UST: variants seen among roughly 807,000 people sequenced by gnomAD.
The protein encoded by UST is uronyl 2-sulfotransferase.
In UST, 21 loss-of-function variants were observed where a neutral mutation model predicts 45.6. The ratio of observed to expected loss-of-function variants is 0.46; its 90% confidence interval spans 0.33 to 0.66. UST has a LOEUF of 0.66. UST is among the 30% of genes least tolerant of loss of function. The probability of loss-of-function intolerance (pLI) is 0.02; values close to 1 mark genes in which losing one functional copy is unlikely to be tolerated. For synonymous variants in UST, 215 were observed against 200.6 expected, an observed-to-expected ratio of 1.07 and a Z score of -0.61; for missense variants, 463 against 512.4, an observed-to-expected ratio of 0.90 and a Z score of 0.93.
intron 2 of UST, among the ~76,000 whole-genome samples, chr6:148,933,763 G>A (rs567418663): frequency 6.6e-6 from 1 of 152,316 alleles, no homozygotes; most frequent in South Asian, 2.1e-4. Context: ...GGAGGCTTTG[G>A]CGATGATCTC....
intron 5 of UST, among the ~76,000 whole-genome samples, chr6:148,984,583 G>A (rs890848112): frequency 6.6e-6 from 1 of 152,100 alleles, no homozygotes; most frequent in Non-Finnish European, 1.5e-5. Context: ...CTTGCAGGCT[G>A]GAGTGCAGTG....
At chr6:149,034,999 A>T (rs745983514) in intron 7 of UST, among the ~76,000 whole-genome samples, 1 of 151,826 alleles carries the variant, frequency 6.6e-6, no homozygotes. Context: ...CCTGTCTTCT[A>T]TTTCTGGGAA....
chr6:148,803,096 T>A (rs1454259799), intron 1 of UST, among the ~76,000 whole-genome samples: 1 of 152,126 alleles, frequency 6.6e-6, no homozygotes, highest in East Asian at 1.9e-4. Flanking sequence ...GAGTTCTGAT[T>A]TTAGAGTCTG....
At chr6:148,957,507 A>G (rs948718434) in intron 4 of UST, among the ~76,000 whole-genome samples, 1 of 152,092 alleles carries the variant, frequency 6.6e-6, no homozygotes, top group African/African-American at 2.4e-5. Context: ...CAGCGGTGCA[A>G]TCTCAGCTCA....
chr6:149,068,994 T>C (rs1776781822), intron 7 of UST, among the ~76,000 whole-genome samples: 1 of 152,218 alleles, frequency 6.6e-6, no homozygotes, highest in South Asian at 2.1e-4. Flanking sequence ...ATACACGATC[T>C]TTGTCTTTCT....
intron 1 of UST, among the ~76,000 whole-genome samples, chr6:148,774,756 C>T (rs1419662730): frequency 2.0e-5 from 3 of 152,170 alleles, no homozygotes; most frequent in Non-Finnish European, 4.4e-5. Context: ...CGGTGGCTCA[C>T]GCCTGTAATC....
intron 1 of UST, among the ~76,000 whole-genome samples, chr6:148,853,189 G>A (rs1778139101): frequency 6.6e-6 from 1 of 152,096 alleles, no homozygotes; most frequent in Admixed American, 6.5e-5. Context: ...CCACTTATAA[G>A]TGAGAACATG....
At chr6:149,015,873 T>C (rs1036574473) in intron 5 of UST, among the ~76,000 whole-genome samples, 8 of 152,302 alleles carry the variant, frequency 5.3e-5, no homozygotes, top group Admixed American at 2.0e-4. Context: ...TGGTCTCATT[T>C]AGTTTCCCAG....
chr6:148,812,387 G>A (rs1485626009), intron 1 of UST, among the ~76,000 whole-genome samples: 1 of 152,116 alleles, frequency 6.6e-6, no homozygotes, highest in Non-Finnish European at 1.5e-5. Flanking sequence ...ACCACGTATT[G>A]GTTATTTATT....
chr6:149,007,714 G>A (rs1191438247), intron 5 of UST, among the ~76,000 whole-genome samples: 6 of 151,914 alleles, frequency 3.9e-5, no homozygotes, highest in Non-Finnish European at 7.4e-5. Flanking sequence ...GTGAGCCACC[G>A]CGCCCGACCT....
chr6:148,885,331 T>G (rs901254215), intron 1 of UST, among the ~76,000 whole-genome samples: 55 of 152,294 alleles, frequency 3.6e-4, no homozygotes, highest in African/African-American at 1.3e-3. Context: ...CCGCACCAGC[T>G]GCACGGTGGT....
rs548907117 is a variant in UST at position 148,998,019 on chromosome 6, G to A, written c.682-21120G>A. On this transcript the variant is annotated intron_variant, in intron 5 of 7. Coordinates refer to ENST00000367463, the MANE Select transcript of UST (RefSeq NM_005715.3). ...GTGTGACTTTTGTGGTTTGTTTTGCGTTCTTAAGCCAAAACTATTAGACTA... is the reference window on the plus strand; with the variant it reads ...GTGTGACTTTTGTGGTTTGTTTTGCATTCTTAAGCCAAAACTATTAGACTA... 2.4e-3 allele frequency among the ~76,000 whole-genome samples: 370 copies of A among 152,256 alleles called. 3 individuals carry two copies. Among genetic ancestry groups the A allele is most frequent in the South Asian group, 4.6e-3 (22 of 4,826 alleles).
At chr6:149,008,976 T>C (rs931883072) in intron 5 of UST, among the ~76,000 whole-genome samples, 1 of 152,178 alleles carries the variant, frequency 6.6e-6, no homozygotes, top group East Asian at 1.9e-4. Context: ...AAAACATCCA[T>C]AGCTATTTGA....
Position 148,790,088 on chromosome 6 carries a change from G to A in UST, c.247+42411G>A, listed in dbSNP as rs372640998. On this transcript the variant is annotated intron_variant, in intron 1 of 7. Coordinates refer to ENST00000367463, the MANE Select transcript of UST (RefSeq NM_005715.3). This position sits in a 1 kb window ranked among gnomAD's most constrained non-coding sequence, Gnocchi z 4.2. ...TTCTTTCTCTGGGAATAATGCATTC[G>A]CATTGCTATCGTAGTTATCCTTGCA... is the stretch of plus-strand genomic sequence containing the variant. 6.7e-6 allele frequency among the ~76,000 whole-genome samples: 1 copy of A among 148,682 alleles called. No individual in the cohort carries two copies.
At chr6:149,063,719 A>G (rs1776691700) in intron 7 of UST, among the ~76,000 whole-genome samples, 1 of 152,150 alleles carries the variant, frequency 6.6e-6, no homozygotes, top group Non-Finnish European at 1.5e-5. Context: ...CGTCCTTCTG[A>G]TGGTTTCTTT....
chr6:149,062,735 C>T (rs1322541711), intron 7 of UST, among the ~76,000 whole-genome samples: 1 of 152,226 alleles, frequency 6.6e-6, no homozygotes, highest in East Asian at 1.9e-4. Context: ...TCAGAAAGCC[C>T]ACTTTCCAGT....
chr6:149,068,756 T>C (rs1188545298), intron 7 of UST, among the ~76,000 whole-genome samples: 1 of 152,234 alleles, frequency 6.6e-6, no homozygotes, highest in East Asian at 1.9e-4. Flanking sequence ...ATTTGAATTT[T>C]TTTTTCTAGC....
At position 149,023,328 on chromosome 6, in the gene UST, G is replaced by A. The variant is rs574731349; in HGVS notation, c.937+1847G>A. On this transcript the variant is annotated intron_variant, in intron 7 of 7. Transcript: ENST00000367463. ...AGATCAGCTGCTATGGATGAAGAGA[G>A]GTTCACATAGTGAGGAACTGAGACC... is the stretch of plus-strand genomic sequence containing the variant. 9.2e-5 allele frequency among the ~76,000 whole-genome samples: 14 copies of A among 152,286 alleles called. No homozygotes were observed. The South Asian group carries it at 2.5e-3, about 27-fold the overall frequency.
intron 2 of UST, among the ~76,000 whole-genome samples, chr6:148,899,599 T>A (rs1779209020): frequency 1.3e-5 from 2 of 152,246 alleles, no homozygotes; most frequent in Admixed American, 6.5e-5. Context: ...AGTATATTAA[T>A]AATATTCAAG....
Sources: allele counts gnomAD v4.1 joint callset (sites outside exome capture counted in the v4.1 genomes callset), GRCh38; gene constraint gnomAD v4.1.1; non-coding constraint Gnocchi (gnomAD v3.1); transcripts MANE v1.5; gene names NCBI Gene and HGNC (gene_info 2026-07-23, HGNC 2026-07-21).